Variants in TGM7 observed in about 807,000 individuals in gnomAD.
TGM7 encodes the protein protein-glutamine gamma-glutamyltransferase Z.
In TGM7, 74 loss-of-function variants were observed where a neutral mutation model predicts 79.5. The ratio of observed to expected loss-of-function variants is 0.93; its 90% CI spans 0.77 to 1.13. The LOEUF is 1.13. Ranked by LOEUF, TGM7 falls within the 50% of genes most tolerant of loss-of-function variation. The probability of loss-of-function intolerance (pLI) is 0.00; values close to 1 mark genes in which losing one functional copy is unlikely to be tolerated. For missense variants in TGM7, 912 were observed against 905.9 expected, an observed-to-expected ratio of 1.01 and a Z score of -0.09; for synonymous variants, 354 against 362.5, an observed-to-expected ratio of 0.98 and a Z score of 0.27.
chr15:43,288,987 C>T (rs2042950846), intron 4 of TGM7, among the ~76,000 whole-genome samples: 1 of 151,154 alleles, frequency 6.6e-6, no homozygotes, highest in Non-Finnish European at 1.5e-5. Context: ...GAGTACAGAC[C>T]AGAGAAGGAC....
chr15:43,276,823 G>GT, intron 12 of TGM7, 39 bp downstream of exon 12: 2 of 1,606,264 alleles, frequency 1.2e-6, no homozygotes, highest in Non-Finnish European at 1.7e-6. Flanking sequence ...CCCCTTTCCT[G>GT]AGACCAGCAA....
At chr15:43,277,926 C>G (rs781051341) in intron 11 of TGM7, among the ~76,000 whole-genome samples, 2 of 152,244 alleles carry the variant, frequency 1.3e-5, no homozygotes, top group Non-Finnish European at 2.9e-5. Flanking sequence ...CTGCAGATCC[C>G]TTACTGATGG....
At position 43,287,362 on chromosome 15, in the gene TGM7, GGCCACACT is replaced by G; in HGVS notation, c.775_782del (p.Ser259HisfsTer50). 6.2e-6 allele frequency: 10 copies of G among 1,614,158 alleles called. No individual in the cohort carries two copies. Among genetic ancestry groups the G allele is most frequent in the Non-Finnish European group, 7.6e-6 (9 of 1,180,004 alleles). ...CCCTGGCTGACCACTGCTGTAGGATGGCCACACTGCCCTTCCACTCCAGAGGACTGACC... is the reference window on the plus strand; with the variant it reads ...CCCTGGCTGACCACTGCTGTAGGATGGCCCTTCCACTCCAGAGGACTGACC... On this transcript the variant is annotated frameshift_variant, in exon 6 of 13. Transcript: ENST00000452443. LOFTEE classifies it high-confidence loss of function.
In TGM7 at chr15:43,284,831, C is replaced by A; in HGVS notation, c.987G>T (p.Gln329His). Residue 329 changes from glutamine to histidine, a missense_variant, in exon 7 of 13, where the codon CAG becomes CAT. Gln to His is a conservative substitution (Grantham distance 24). Transcript: ENST00000452443. ...YDRNAEMLST[Q>H]KRDKIWNFHV... Reference sequence around the variant, plus strand: ...CCTCTCACCATATTTTGTCTCGTTTCTGAGTTGACAGCATCTCGGCATTTC... The same window carrying A: ...CCTCTCACCATATTTTGTCTCGTTTATGAGTTGACAGCATCTCGGCATTTC... 1 of 1,614,186 alleles carries A rather than the reference C, an allele frequency of 6.2e-7. No homozygotes were observed. The highest frequency in any genetic ancestry group is 8.5e-7 in the Non-Finnish European group (1 of 1,180,034).
intron 4 of TGM7, among the ~76,000 whole-genome samples, chr15:43,290,205 A>G (rs997921880): frequency 5.3e-5 from 8 of 152,304 alleles, no homozygotes; most frequent in African/African-American, 1.9e-4. Context: ...CAGGTCTAAC[A>G]TTTAAGTCTT....
At chr15:43,279,573 A>ACCCACAGCTC in intron 10 of TGM7, 52 bp downstream of exon 10, 1 of 1,522,868 alleles carries the variant, frequency 6.6e-7, no homozygotes, top group South Asian at 1.3e-5. Context: ...GTGTTCATGG[A>ACCCACAGCTC]CCCACAGCTC....
intron 1 of TGM7, among the ~76,000 whole-genome samples, chr15:43,298,738 C>T (rs1432320436): frequency 2.0e-5 from 3 of 151,786 alleles, no homozygotes; most frequent in East Asian, 1.9e-4. Flanking sequence ...GGTGGCAGAG[C>T]GAGACTCCAT....
chr15:43,297,587 T>TGGAAAGAAAGAA (rs1555386111), intron 1 of TGM7, among the ~76,000 whole-genome samples: 17 of 114,570 alleles, frequency 1.5e-4, no homozygotes, highest in African/African-American at 6.1e-4. Flanking sequence ...TCTGCATGTA[T>TGGAAAGAAAGAA]AGAAAGAAAG....
Position 43,302,109 on chromosome 15 carries a change from G to A in TGM7, c.10+132C>T, listed in dbSNP as rs79042533. On this transcript the variant is annotated intron_variant, in intron 1 of 12. Coordinates refer to ENST00000452443, the MANE Select transcript of TGM7 (RefSeq NM_052955.3). ...GATGGAGAAGTAAGAAGAAGGAGCC[G>A]TATTGCACAATGAACTACCAATCAT... 2.8e-3 allele frequency: 2,828 copies of A among 1,014,714 alleles called. 44 individuals are homozygous for A. The African/African-American group carries it at 0.039, about 14-fold the overall frequency. 62.9% of individuals were successfully genotyped at this position (1,014,714 alleles called of 1,614,324 possible). A position where few individuals can be genotyped will look rare whatever the true frequency, so the allele number is the denominator to read the frequency against.
Position 43,292,711 on chromosome 15 carries a change from G to C in TGM7, c.437C>G (p.Pro146Arg). 3 of 1,614,014 alleles carry C rather than the reference G, an allele frequency of 1.9e-6. No individual in the cohort carries two copies. The highest frequency in any genetic ancestry group is 4.5e-5 in the East Asian group (2 of 44,880). The change falls in exon 3 of 13, where the codon CCA becomes CGA. Residue 146 changes from proline (P) to arginine (R), a missense_variant and splice_region_variant. Pro to Arg is a moderately radical substitution (Grantham distance 103, BLOSUM62 -2). Coordinates refer to ENST00000452443, the MANE Select transcript of TGM7 (RefSeq NM_052955.3). ...TACAAGCTGTGGGCACATCCTACCT[G>C]GACTCCAAGGGTTAAAAAGTAGGAT... ...TFILLFNPWS[P>R]EDDVYLPSEI...
chr15:43,283,283 A>G (rs1176392799), intron 7 of TGM7, among the ~76,000 whole-genome samples: 1 of 152,210 alleles, frequency 6.6e-6, no homozygotes, highest in Non-Finnish European at 1.5e-5. Flanking sequence ...TTTACTGTCT[A>G]TATTTTAATG....
Position 43,276,461 on chromosome 15 carries a change from A to C in TGM7, c.2127T>G (p.Ala709=), listed in dbSNP as rs1370972854. ...YKDIFVTVAG[A]P ...GGCAGCTGGAGGGCGGGTCTCAGGG[A>C]GCCCCAGCCACAGTGACGAAGATGT... is the stretch of plus-strand genomic sequence containing the variant. The change falls in exon 13 of 13, where the codon GCT becomes GCG. Residue 709 remains alanine, a synonymous_variant. Coordinates refer to ENST00000452443, the MANE Select transcript of TGM7 (RefSeq NM_052955.3). 8 of 1,611,902 alleles carry C rather than the reference A, an allele frequency of 5.0e-6. No homozygotes were observed. Among genetic ancestry groups the C allele is most frequent in the Admixed American group, 1.7e-5 (1 of 59,712 alleles).
chr15:43,282,452 C>T (rs2042914277), intron 8 of TGM7, 65 bp downstream of exon 8: 1 of 1,418,218 alleles, frequency 7.1e-7, no homozygotes, highest in Non-Finnish European at 9.7e-7. Flanking sequence ...CTCCTGCTCC[C>T]ACGGCCAGTC....
chr15:43,302,153 C>T (rs147427165), intron 1 of TGM7, 88 bp downstream of exon 1: 9 of 1,507,060 alleles, frequency 6.0e-6, no homozygotes, highest in Admixed American at 3.3e-5. Flanking sequence ...GCTCTCCTGT[C>T]GCTTCCCTAC....
intron 2 of TGM7, 31 bp from the exon 3 acceptor site, chr15:43,292,985 G>T: frequency 6.2e-7 from 1 of 1,607,108 alleles, no homozygotes; most frequent in African/African-American, 1.3e-5. Flanking sequence ...CCACAGTGAG[G>T]CTCAAAAAAC....
intron 6 of TGM7, among the ~76,000 whole-genome samples, chr15:43,285,811 T>TCACA (rs921509094): frequency 7.3e-5 from 11 of 150,816 alleles, no homozygotes; most frequent in African/African-American, 2.5e-4. Flanking sequence ...ACAAATCTAG[T>TCACA]CACACAGTGT....
intron 4 of TGM7, among the ~76,000 whole-genome samples, chr15:43,289,555 T>G (rs1177663950): frequency 6.6e-6 from 1 of 152,158 alleles, no homozygotes; most frequent in Non-Finnish European, 1.5e-5. Context: ...GCAGCATGAT[T>G]TATAATCCTT....
At chr15:43,277,527 C>T (rs1309586653) in intron 11 of TGM7, among the ~76,000 whole-genome samples, 1 of 152,206 alleles carries the variant, frequency 6.6e-6, no homozygotes, top group African/African-American at 2.4e-5. Context: ...GTGTCCCAGA[C>T]CCCAGCCTAG....
intron 1 of TGM7, among the ~76,000 whole-genome samples, chr15:43,301,046 A>G (rs944564463): frequency 6.6e-6 from 1 of 151,892 alleles, no homozygotes; most frequent in African/African-American, 2.4e-5. Context: ...CAGTGGCGCA[A>G]TCTCAGCTCA....
Sources: gnomAD v4.1 joint callset for allele counts (sites outside exome capture counted in the v4.1 genomes callset) on GRCh38, gnomAD v4.1.1 for gene constraint, MANE v1.5 for transcripts, NCBI Gene and HGNC (gene_info 2026-07-23, HGNC 2026-07-21) for gene names.